Variants in DNAH7 observed in about 807,000 individuals in gnomAD.
The protein encoded by DNAH7 is axonemal beta dynein heavy chain 7.
DNAH7 carries 397 observed loss-of-function variants against 444.6 expected under a neutral mutation model. That is an observed-to-expected ratio of 0.89 (90% CI 0.82 to 0.97). DNAH7 has a LOEUF of 0.97. Among genes scored for constraint, DNAH7 ranks in the 50% least tolerant of loss-of-function variants. The pLI is 0.00. For missense variants in DNAH7, 4,902 were observed against 4,800.8 expected (o/e 1.02, Z -0.62); for synonymous variants, 1,636 against 1,624.4 (o/e 1.01, Z -0.17).
Position 195,959,442 on chromosome 2 carries a change from T to TGAAAAAAAA in DNAH7, c.2891+817_2891+818insTTTTTTTTC, listed in dbSNP as rs146567924. ...CTAGATGTACCACTTTCAGAGTAGT[T>TGAAAAAAAA]TAAAAATTCTTCTCTTAATGTGCAT... On this transcript the variant is annotated intron_variant, in intron 18 of 64. Coordinates refer to ENST00000312428, the MANE Select transcript of DNAH7 (RefSeq NM_018897.3). Among the ~76,000 whole-genome samples, 987 of 152,250 alleles carry TGAAAAAAAA rather than the reference T, an allele frequency of 6.5e-3. 5 individuals carry two copies. Among genetic ancestry groups the TGAAAAAAAA allele is most frequent in the Middle Eastern group, 0.027 (8 of 294 alleles).
intron 8 of DNAH7, among the ~76,000 whole-genome samples, chr2:196,020,885 T>C (rs917721317): frequency 1.3e-5 from 2 of 152,184 alleles, no homozygotes; most frequent in Admixed American, 1.3e-4. Context: ...GTGCTGGAAT[T>C]ACGGGCGTAA....
intron 58 of DNAH7, among the ~76,000 whole-genome samples, chr2:195,783,564 CATATT>C (rs1350067518): frequency 6.6e-6 from 1 of 152,156 alleles, no homozygotes; most frequent in Non-Finnish European, 1.5e-5. Context: ...TGACACTAGT[CATATT>C]AGATTAACGG....
chr2:195,927,095 G>C (rs952367395), intron 21 of DNAH7, among the ~76,000 whole-genome samples: 1 of 152,134 alleles, frequency 6.6e-6, no homozygotes, highest in Non-Finnish European at 1.5e-5. Flanking sequence ...CCAAAGCAAT[G>C]ATGACAGAGA....
chr2:195,936,306 G>A (rs777018702), intron 20 of DNAH7, among the ~76,000 whole-genome samples: 8 of 152,086 alleles, frequency 5.3e-5, no homozygotes, highest in East Asian at 1.9e-4. Context: ...CCTGGGAGGC[G>A]GAGGTTGCAG....
chr2:195,957,157 G>A (rs779986702), intron 19 of DNAH7, 104 bp downstream of exon 19: 10 of 987,790 alleles, frequency 1.0e-5, no homozygotes, highest in Non-Finnish European at 1.4e-5. Flanking sequence ...GTATGAAACA[G>A]ATAATGGCTT....
chr2:195,741,487 T>C (rs1424458297), intron 63 of DNAH7, among the ~76,000 whole-genome samples: 1 of 152,220 alleles, frequency 6.6e-6, no homozygotes, highest in Non-Finnish European at 1.5e-5. Flanking sequence ...TCTTTGGCTT[T>C]ACATATCAGT....
rs978381641 is a variant in DNAH7 at position 195,825,249 on chromosome 2, T to G, written c.9101-804A>C. The G allele has an allele frequency of 3.4e-5, 5 of 148,348 alleles. No homozygotes were observed. The Admixed American group carries it at 3.4e-4, about 10-fold the overall frequency. 9.2% of individuals were successfully genotyped at this position (148,348 alleles called of 1,614,324 possible). A position where few individuals can be genotyped will look rare whatever the true frequency, so the allele number is the denominator to read the frequency against. Reference sequence around the variant, plus strand: ...CTCCAGCTTGGGCCACAGAGCAATATCCTGTCTCAAACATAAATAAGGAAA... The same window carrying G: ...CTCCAGCTTGGGCCACAGAGCAATAGCCTGTCTCAAACATAAATAAGGAAA... On this transcript the variant is annotated intron_variant, in intron 48 of 64. Coordinates refer to ENST00000312428, the MANE Select transcript of DNAH7 (RefSeq NM_018897.3).
At chr2:195,774,350 T>C (rs1029674843) in intron 60 of DNAH7, among the ~76,000 whole-genome samples, 2 of 152,258 alleles carry the variant, frequency 1.3e-5, no homozygotes, top group Non-Finnish European at 2.9e-5. Context: ...ATATCTAAAA[T>C]GGATGTAAAA....
intron 19 of DNAH7, among the ~76,000 whole-genome samples, chr2:195,954,181 C>A (rs1690470088): frequency 6.6e-6 from 1 of 152,102 alleles, no homozygotes; most frequent in African/African-American, 2.4e-5. Context: ...TCCCCACTCT[C>A]CCCACCCCAC....
chr2:195,923,531 A>G, intron 23 of DNAH7, 64 bp downstream of exon 23: 3 of 1,505,434 alleles, frequency 2.0e-6, no homozygotes, highest in African/African-American at 1.4e-5. Context: ...TGAGCAAGCA[A>G]GCACAAATTT....
intron 49 of DNAH7, among the ~76,000 whole-genome samples, chr2:195,822,076 T>A (rs1357244817): frequency 6.6e-6 from 1 of 152,216 alleles, no homozygotes; most frequent in Non-Finnish European, 1.5e-5. Flanking sequence ...GATATAATCA[T>A]AAATTTATAT....
intron 64 of DNAH7, among the ~76,000 whole-genome samples, chr2:195,739,980 T>G (rs559099114): frequency 4.6e-5 from 7 of 152,230 alleles, no homozygotes; most frequent in Admixed American, 4.6e-4. Flanking sequence ...CAGTGCTGTT[T>G]TTTTGTTTTG....
chr2:195,806,166 AT>A (rs1362541301), intron 54 of DNAH7, among the ~76,000 whole-genome samples: 2 of 151,794 alleles, frequency 1.3e-5, no homozygotes, highest in Non-Finnish European at 2.9e-5. Flanking sequence ...TCATAGGTGA[AT>A]TTTTTTATCT....
chr2:196,033,378 A>G (rs891142431), intron 5 of DNAH7, among the ~76,000 whole-genome samples: 1 of 152,150 alleles, frequency 6.6e-6, no homozygotes, highest in Non-Finnish European at 1.5e-5. Context: ...ATGCTGTGCA[A>G]TATGTTTTAA....
At chr2:195,994,837 T>C in intron 12 of DNAH7, 1 of 437,258 alleles carries the variant, frequency 2.3e-6, no homozygotes, top group Non-Finnish European at 4.4e-6. Context: ...TAATTTTTTC[T>C]CTTCCTGACT....
chr2:195,962,435 G>A (rs577430212), intron 17 of DNAH7, among the ~76,000 whole-genome samples: 22 of 152,090 alleles, frequency 1.4e-4, no homozygotes, highest in African/African-American at 5.1e-4. Flanking sequence ...ACGCAGCCTC[G>A]ACTTCCTGGG....
At chr2:195,978,603 A>T (rs57517027) in intron 15 of DNAH7, among the ~76,000 whole-genome samples, 1 of 152,118 alleles carries the variant, frequency 6.6e-6, no homozygotes, top group African/African-American at 2.4e-5. Context: ...TAAATGGACT[A>T]AACTCTCCAA....
chr2:195,965,323 G>C (rs948251345), intron 17 of DNAH7, among the ~76,000 whole-genome samples: 2 of 152,158 alleles, frequency 1.3e-5, no homozygotes, highest in African/African-American at 2.4e-5. Flanking sequence ...AATTACACTT[G>C]ATCATGATGA....
At chr2:195,800,746 G>A (rs1241027030) in intron 54 of DNAH7, among the ~76,000 whole-genome samples, 1 of 151,984 alleles carries the variant, frequency 6.6e-6, no homozygotes, top group African/African-American at 2.4e-5. Context: ...TAATTACTCA[G>A]CCTAAAGCTA....
Sources: gnomAD v4.1 joint callset for allele counts (sites outside exome capture counted in the v4.1 genomes callset) on GRCh38, gnomAD v4.1.1 for gene constraint, MANE v1.5 for transcripts, NCBI Gene and HGNC (gene_info 2026-07-23, HGNC 2026-07-21) for gene names.